MARK2: variants seen among roughly 807,000 people sequenced by gnomAD.
MARK2 encodes microtubule affinity regulating kinase 2, also known as serine/threonine-protein kinase MARK2.
A neutral mutation model predicts 89.8 loss-of-function variants in MARK2; 16 were observed. That is an observed-to-expected ratio of 0.18 (90% CI 0.12 to 0.27). The LOEUF (loss-of-function observed/expected upper bound fraction) is 0.27, where lower values mean the gene tolerates loss of function less well. Among genes scored for constraint, MARK2 ranks in the 10% least tolerant of loss-of-function variants. The pLI, the probability that MARK2 is intolerant of heterozygous loss-of-function variation, is 1.00. For missense variants in MARK2, 621 were observed against 1,049.9 expected, an observed-to-expected ratio of 0.59 and a Z score of 5.65; for synonymous variants, 382 against 399.5, an observed-to-expected ratio of 0.96 and a Z score of 0.52.
intron 1 of MARK2, among the ~76,000 whole-genome samples, chr11:63,856,453 T>C (rs2016855140): frequency 6.6e-6 from 1 of 151,504 alleles, no homozygotes; most frequent in African/African-American, 2.4e-5. Context: ...AACAGAGTCT[T>C]ACTCTGTTGC....
At chr11:63,863,896 A>G (rs1004282693) in intron 1 of MARK2, among the ~76,000 whole-genome samples, 1 of 152,018 alleles carries the variant, frequency 6.6e-6, no homozygotes, top group African/African-American at 2.4e-5. Context: ...GAGCCCCCTG[A>G]GCACCTGGGG....
intron 1 of MARK2, among the ~76,000 whole-genome samples, chr11:63,844,024 T>C (rs896459020): frequency 6.6e-6 from 1 of 152,178 alleles, no homozygotes; most frequent in African/African-American, 2.4e-5. Context: ...TTGGTGGTGC[T>C]GCCTTCTGGT....
chr11:63,865,186 C>T (rs1469338575), intron 1 of MARK2, among the ~76,000 whole-genome samples: 1 of 152,196 alleles, frequency 6.6e-6, no homozygotes, highest in Non-Finnish European at 1.5e-5. Flanking sequence ...CCATTGTATC[C>T]AGCCCAGTTA....
rs1211783373 is a variant in MARK2 at position 63,839,663 on chromosome 11, C to T, written c.54+103C>T. ...TCCTCGTGCCCCTGCTGCCATCCTG[C>T]AAGCCTCGGCTGCCCTGTCATCCGG... On this transcript the variant is annotated intron_variant, in intron 1 of 18. Coordinates refer to ENST00000402010, the MANE Select transcript of MARK2 (RefSeq NM_001039469.3). 4 of 757,780 alleles carry T rather than the reference C, an allele frequency of 5.3e-6. No homozygotes were observed. In the East Asian group the frequency reaches 1.2e-4, roughly 23 times the overall value. The allele number at this position is 757,780 out of a possible 1,614,324, so 46.9% of individuals were successfully genotyped here.
intron 1 of MARK2, chr11:63,868,578 G>T (rs1442499191): frequency 6.0e-6 from 2 of 331,852 alleles, no homozygotes; most frequent in Non-Finnish European, 1.2e-5. Context: ...ACTCGGAGAG[G>T]AAACCACAGG....
chr11:63,889,856 T>C (rs1939690549), intron 1 of MARK2, among the ~76,000 whole-genome samples: 1 of 152,186 alleles, frequency 6.6e-6, no homozygotes, highest in Non-Finnish European at 1.5e-5. Flanking sequence ...AGGGCCTGTC[T>C]AGAGTATGAT....
chr11:63,908,838 T>C, intron 18 of MARK2, 39 bp from the exon 19 acceptor site: 1 of 1,389,794 alleles, frequency 7.2e-7, no homozygotes, highest in Non-Finnish European at 9.4e-7. Flanking sequence ...GTGGGGTGCC[T>C]CAGCCCCCCC....
chr11:63,877,013 C>T (rs1359070461), intron 1 of MARK2, among the ~76,000 whole-genome samples: 4 of 150,844 alleles, frequency 2.7e-5, no homozygotes, highest in African/African-American at 7.3e-5. Flanking sequence ...TTCCCAGGTT[C>T]ATACCACAGA....
chr11:63,895,618 C>G lies in MARK2; in HGVS notation c.273C>G (p.Ser91=). Residue 91 remains serine (S), a synonymous_variant, in exon 3 of 19, where the codon TCC becomes TCG. Coordinates refer to ENST00000402010, the MANE Select transcript of MARK2 (RefSeq NM_001039469.3). ...TCATTGACAAGACTCAACTGAACTC[C>G]TCCAGCCTCCAGAAAGTAAGCACAT... ...VKIIDKTQLN[S]SSLQKLFREV... The G allele has an allele frequency of 1.2e-6, 2 of 1,612,056 alleles. No individual in the cohort carries two copies. Among genetic ancestry groups the G allele is most frequent in the Non-Finnish European group, 1.7e-6 (2 of 1,179,620 alleles).
chr11:63,901,110 A>T (rs770386309), intron 11 of MARK2, 41 bp downstream of exon 11: 1 of 1,341,050 alleles, frequency 7.5e-7, no homozygotes, highest in South Asian at 1.2e-5. Flanking sequence ...GGCCAGCCTC[A>T]CTGTCTGTAG....
chr11:63,904,945 C>T lies in MARK2; in HGVS notation c.1836C>T (p.Pro612=). 6.2e-7 allele frequency: 1 copy of T among 1,614,238 alleles called. No individual in the cohort carries two copies. The highest frequency in any genetic ancestry group is 8.5e-7 in the Non-Finnish European group (1 of 1,180,042). The change falls in exon 16 of 19, where the codon CCC becomes CCT. Residue 612 remains proline, a synonymous_variant. Coordinates refer to ENST00000402010, the MANE Select transcript of MARK2 (RefSeq NM_001039469.3). This position sits in a 1 kb window ranked among gnomAD's most constrained non-coding sequence, Gnocchi z 6.3. The stretch of plus-strand genomic sequence containing the variant: ...AGGTGCGGGACCAGCAGAATTTGCC[C>T]TACGGTGTGACCCCAGCCTCTCCCT... ...LRQVRDQQNL[P]YGVTPASPSG...
At chr11:63,856,329 T>G (rs866281117) in intron 1 of MARK2, among the ~76,000 whole-genome samples, 30 of 149,996 alleles carry the variant, frequency 2.0e-4, no homozygotes, top group African/African-American at 4.8e-4. Context: ...TTGTTTTTTT[T>G]TTTTTTTTAA....
At chr11:63,905,076 C>G (rs751123136) in intron 16 of MARK2, 33 bp downstream of exon 16, 2 of 1,434,914 alleles carry the variant, frequency 1.4e-6, no homozygotes, top group Non-Finnish European at 9.5e-7. Flanking sequence ...CAGAGAGGCT[C>G]AGGCCAGGCC....
intron 1 of MARK2, among the ~76,000 whole-genome samples, chr11:63,875,326 G>T (rs1164964450): frequency 2.0e-5 from 3 of 151,774 alleles, no homozygotes; most frequent in African/African-American, 7.3e-5. Flanking sequence ...ACACCATGTT[G>T]TTCAGGCTGG....
chr11:63,872,012 C>T (rs907344567), intron 1 of MARK2, among the ~76,000 whole-genome samples: 5 of 152,226 alleles, frequency 3.3e-5, no homozygotes, highest in Non-Finnish European at 7.3e-5. Context: ...CCCACTTTCC[C>T]TTTTCTCTTG....
chr11:63,872,918 C>G (rs1010846146), intron 1 of MARK2, among the ~76,000 whole-genome samples: 17 of 138,898 alleles, frequency 1.2e-4, no homozygotes, highest in African/African-American at 4.2e-4. Flanking sequence ...CCCACCCTGC[C>G]AGGCAAACTG....
In MARK2 at chr11:63,900,202, T is replaced by C. The variant is rs1000454749; in HGVS notation, c.768+92T>C. The C allele has an allele frequency of 2.0e-6, 2 of 984,150 alleles. No individual in the cohort carries two copies. The highest frequency in any genetic ancestry group is 3.2e-5 in the African/African-American group (2 of 62,040). The allele number at this position is 984,150 out of a possible 1,614,324, so 61.0% of individuals were successfully genotyped here. On this transcript the variant is annotated intron_variant, in intron 8 of 18. Transcript: ENST00000402010. The surrounding 1 kb of genome is among the most constrained non-coding windows in gnomAD (Gnocchi z 4.7). ...TCCTGCCTTTGCCACCTGTCTACAT[T>C]TGTCCCAAGCCAAAGCTTCAGAGAA...
In MARK2 at chr11:63,909,249, G is replaced by T. The variant is rs1483369464; in HGVS notation, c.*12G>T. ...AGCTGAAGCTTTAACAGGCTGCCAGGAGCGGGGGCGGCGGGGGCGGGCCAG... is the reference window on the plus strand; with the variant it reads ...AGCTGAAGCTTTAACAGGCTGCCAGTAGCGGGGGCGGCGGGGGCGGGCCAG... On this transcript the variant is annotated 3_prime_UTR_variant, in exon 19 of 19. Coordinates refer to ENST00000402010, the MANE Select transcript of MARK2 (RefSeq NM_001039469.3). 1.9e-6 allele frequency: 3 copies of T among 1,574,364 alleles called. No individual in the cohort carries two copies. Among genetic ancestry groups the T allele is most frequent in the Non-Finnish European group, 8.7e-7 (1 of 1,151,886 alleles).
chr11:63,841,606 C>T (rs567926874), intron 1 of MARK2, among the ~76,000 whole-genome samples: 8 of 152,186 alleles, frequency 5.3e-5, no homozygotes, highest in Admixed American at 1.3e-4. Flanking sequence ...GCAGGTAAAC[C>T]CTGCTTAACC....
Sources: gnomAD v4.1 joint callset for allele counts (sites outside exome capture counted in the v4.1 genomes callset) on GRCh38, gnomAD v4.1.1 for gene constraint, Gnocchi (gnomAD v3.1) non-coding constraint, MANE v1.5 for transcripts, NCBI Gene and HGNC (gene_info 2026-07-23, HGNC 2026-07-21) for gene names.